HR: variants seen among roughly 807,000 people sequenced by gnomAD.
HR encodes the protein lysine-specific demethylase hairless.
Under a neutral mutation model 128.6 loss-of-function variants are expected in HR, and 83 were observed. That is an observed-to-expected ratio of 0.65 (90% CI 0.54 to 0.77). HR has a LOEUF of 0.77. Among genes scored for constraint, HR ranks in the 30% least tolerant of loss-of-function variants. HR has a pLI of 0.00. For synonymous variants in HR, 681 were observed against 658.2 expected, an observed-to-expected ratio of 1.03 and a Z score of -0.53; for missense variants, 1,490 against 1,574.6, an observed-to-expected ratio of 0.95 and a Z score of 0.91.
intron 1 of HR, among the ~76,000 whole-genome samples, chr8:22,129,668 T>C (rs1192784268): frequency 1.3e-5 from 2 of 152,220 alleles, no homozygotes; most frequent in African/African-American, 4.8e-5. Context: ...ATTCTTCCCA[T>C]CCTGCAATCC....
chr8:22,114,657 C>A lies in HR; in HGVS notation c.*1043G>T, dbSNP rs573295513. 1 of 152,622 alleles carries A rather than the reference C, an allele frequency of 6.6e-6. No homozygotes were observed. Among genetic ancestry groups the A allele is most frequent in the Non-Finnish European group, 1.5e-5 (1 of 68,156 alleles). 9.5% of individuals were successfully genotyped at this position (152,622 alleles called of 1,614,324 possible). On this transcript the variant is annotated 3_prime_UTR_variant, in exon 19 of 19. Coordinates refer to ENST00000381418, the MANE Select transcript of HR (RefSeq NM_005144.5). ...TGGCTGGGCCTGGCGTCGGCCATGGCCACTGCCACCAAGGGCAGACAGGCG... is the reference window on the plus strand; with the variant it reads ...TGGCTGGGCCTGGCGTCGGCCATGGACACTGCCACCAAGGGCAGACAGGCG...
rs1827022145 is a variant in HR, at chr8:22,130,469, GT to G, written c.-83del. 1 of 152,198 alleles carries G rather than the reference GT, an allele frequency of 6.6e-6. No individual in the cohort carries two copies. 9.4% of individuals were successfully genotyped at this position (152,198 alleles called of 1,614,324 possible). Reference sequence around the variant, plus strand: ...GGTCGCGGCGCGGGCGGTGGCGGTCGTCGTGGCCGGCACCGGGCGCCTGCTC... The same window carrying G: ...GGTCGCGGCGCGGGCGGTGGCGGTCGCGTGGCCGGCACCGGGCGCCTGCTC... On this transcript the variant is annotated 5_prime_UTR_variant, in exon 1 of 19. The change abolishes the stop of an existing upstream ORF in the 5' untranslated region. Transcript: ENST00000381418.
Position 22,127,568 on chromosome 8 carries a change from T to A in HR, c.874A>T (p.Asn292Tyr). 1 of 1,612,906 alleles carries A rather than the reference T, an allele frequency of 6.2e-7. No homozygotes were observed. The highest frequency in any genetic ancestry group is 1.1e-5 in the South Asian group (1 of 91,088). The change falls in exon 3 of 19, where the codon AAC (asparagine) becomes TAC (tyrosine). Residue 292 changes from asparagine (N) to tyrosine (Y), a missense_variant. By Grantham distance (143) the Asn-to-Tyr change is moderately radical. Around this residue, in one of 3 missense-constraint regions of HR, gnomAD observed 1,060 missense variants for 1,060.9 expected, o/e 1.00. Coordinates refer to ENST00000381418, the MANE Select transcript of HR (RefSeq NM_005144.5). Reference sequence around the variant, plus strand: ...CCATCGCCTGGCCCAGCCCAGACGTTGCCAAGAGTATGAACAAGGCCTGGG... The same window carrying A: ...CCATCGCCTGGCCCAGCCCAGACGTAGCCAAGAGTATGAACAAGGCCTGGG... ...CPPGLVHTLG[N>Y]VWAGPGDGNL...
intron 5 of HR, among the ~76,000 whole-genome samples, chr8:22,124,611 A>C (rs1317896505): frequency 6.6e-6 from 1 of 152,186 alleles, no homozygotes; most frequent in Non-Finnish European, 1.5e-5. Flanking sequence ...CGGGTGCTGG[A>C]GATGGAAAAT....
At position 22,119,906 on chromosome 8, in the gene HR, G is replaced by A. The variant is rs548498571; in HGVS notation, c.2847-16C>T. Reference sequence around the variant, plus strand: ...GTTCTCCACCCTGTCAGGGTAGGGGGTCATGCCCAGCAGGCCCAACCTGGG... The same window carrying A: ...GTTCTCCACCCTGTCAGGGTAGGGGATCATGCCCAGCAGGCCCAACCTGGG... On this transcript the variant is annotated splice_polypyrimidine_tract_variant and intron_variant, in intron 13 of 18. Transcript: ENST00000381418. The A allele has an allele frequency of 5.0e-6, 8 of 1,613,020 alleles. No homozygotes were observed. The highest frequency in any genetic ancestry group is 2.2e-5 in the East Asian group (1 of 44,862).
At position 22,129,135 on chromosome 8, in the gene HR, TG is replaced by T; in HGVS notation, c.35del (p.Pro12GlnfsTer13). 1 of 1,553,424 alleles carries T rather than the reference TG, an allele frequency of 6.4e-7. No individual in the cohort carries two copies. Among genetic ancestry groups the T allele is most frequent in the South Asian group, 1.3e-5 (1 of 79,266 alleles). Reference protein sequence around the residue: ...ESTPSFLKGTPTWEKTAPENG... With the variant: ...ESTPSFLKGTXTWEKTAPENG... ...TCTCTGGGGCCGTCTTCTCCCAGGTTGGGGTGCCCTTCAGGAAGCTGGGCGT... is the reference window on the plus strand; with the variant it reads ...TCTCTGGGGCCGTCTTCTCCCAGGTTGGGTGCCCTTCAGGAAGCTGGGCGT... On this transcript the variant is annotated frameshift_variant, in exon 2 of 19. Coordinates refer to ENST00000381418, the MANE Select transcript of HR (RefSeq NM_005144.5). LOFTEE classifies it high-confidence loss of function.
At position 22,127,585 on chromosome 8, in the gene HR, A is replaced by G. The variant is rs775201488; in HGVS notation, c.857T>C (p.Leu286Pro). 6 of 1,612,584 alleles carry G rather than the reference A, an allele frequency of 3.7e-6. No homozygotes were observed. The highest frequency in any genetic ancestry group is 1.1e-5 in the South Asian group (1 of 91,082). ...CCAGACGTTGCCAAGAGTATGAACA[A>G]GGCCTGGGGGACAAGCGGGCCAGGA... Reference protein sequence around the residue: ...WTSWPACPPGLVHTLGNVWAG... With the variant: ...WTSWPACPPGPVHTLGNVWAG... The change falls in exon 3 of 19, where the codon CTT (leucine) becomes CCT (proline). Residue 286 changes from leucine (L) to proline (P), a missense_variant. Leu to Pro is a moderately conservative substitution (Grantham distance 98). Around this residue, in one of 3 missense-constraint regions of HR, gnomAD observed 1,060 missense variants for 1,060.9 expected, o/e 1.00. Transcript: ENST00000381418.
In HR at chr8:22,115,286, A is replaced by G. The variant is rs1016513955; in HGVS notation, c.*414T>C. On this transcript the variant is annotated 3_prime_UTR_variant, in exon 19 of 19. Transcript: ENST00000381418. ...GTGAGCCCAGTGAGGATGCGGTGGT[A>G]GAAACGGAGCTGGGGCAGTAGAGTG... 9 of 299,568 alleles carry G rather than the reference A, an allele frequency of 3.0e-5. No homozygotes were observed. The highest frequency in any genetic ancestry group is 6.5e-5 in the African/African-American group (3 of 46,400). The allele number at this position is 299,568 out of a possible 1,614,324, so 18.6% of individuals were successfully genotyped here. A position where few individuals can be genotyped will look rare whatever the true frequency, so the allele number is the denominator to read the frequency against.
chr8:22,127,850 T>TAA (rs1365413864), intron 2 of HR, 21 bp from the exon 3 acceptor site: 1 of 1,597,974 alleles, frequency 6.3e-7, no homozygotes. Context: ...GAGAAAGTGT[T>TAA]ACGCTTCAGC....
At chr8:22,128,098 T>G (rs1237914662) in intron 2 of HR, 2 of 579,170 alleles carry the variant, frequency 3.5e-6, no homozygotes, top group African/African-American at 3.7e-5. Flanking sequence ...ATCTGGGGTC[T>G]GTTTGGGCCA....
Position 22,125,381 on chromosome 8 carries a change from A to T in HR, c.1680T>A (p.Ser560Arg). 6.2e-7 allele frequency: 1 copy of T among 1,610,068 alleles called. No individual in the cohort carries two copies. The highest frequency in any genetic ancestry group is 1.7e-5 in the Admixed American group (1 of 59,548). ...LSTGLAKHLL[S>R]GLGDRLCRLL... ...GGCGGCACAGTCGGTCCCCCAAACCACTGAGCAGGTGCTTGGCGAGGCCTG... is the reference window on the plus strand; with the variant it reads ...GGCGGCACAGTCGGTCCCCCAAACCTCTGAGCAGGTGCTTGGCGAGGCCTG... Residue 560 changes from serine (S) to arginine (R), a missense_variant, in exon 5 of 19, where the codon AGT (serine) becomes AGA (arginine). Coordinates refer to ENST00000381418, the MANE Select transcript of HR (RefSeq NM_005144.5).
rs765240746 is a variant in HR, at chr8:22,122,570, C to T, written c.2044G>A (p.Val682Ile). The T allele has an allele frequency of 6.6e-5, 106 of 1,612,350 alleles. No homozygotes were observed. Among genetic ancestry groups the T allele is most frequent in the Non-Finnish European group, 8.1e-5 (96 of 1,179,742 alleles). ...CAGTGCCCCCGGATATCAAACTTGA[C>T]CCAGACCTGGTGCATTGCAGTGCTC... ...ELSTAMHQVW[V>I]KFDIRGHCPC... The change falls in exon 8 of 19, where the codon GTC becomes ATC. Residue 682 changes from valine (V) to isoleucine (I), a missense_variant. By Grantham distance (29) the Val-to-Ile change is conservative (BLOSUM62 3). Coordinates refer to ENST00000381418, the MANE Select transcript of HR (RefSeq NM_005144.5).
At chr8:22,120,585 G>A (rs948669412) in intron 11 of HR, 78 bp from the exon 12 acceptor site, 40 of 1,599,082 alleles carry the variant, frequency 2.5e-5, no homozygotes, top group African/African-American at 2.3e-4. Flanking sequence ...GTGTTGTAAG[G>A]GCAGTAGAAC....
At chr8:22,117,585 C>G (rs1323568556) in intron 16 of HR, 1 of 153,090 alleles carries the variant, frequency 6.5e-6, no homozygotes, top group Non-Finnish European at 1.5e-5. Context: ...GCTCTGAGTG[C>G]CAGCAGGTGA....
chr8:22,118,914 C>CG (rs761116390), intron 16 of HR, 36 bp downstream of exon 16: 6 of 1,473,018 alleles, frequency 4.1e-6, no homozygotes, highest in South Asian at 2.3e-5. Context: ...TAGGGCTGGG[C>CG]GGGGGGAAGG....
chr8:22,123,833 C>T lies in HR; in HGVS notation c.1751-20G>A. 3.1e-6 allele frequency: 5 copies of T among 1,589,530 alleles called. No homozygotes were observed. Among genetic ancestry groups the T allele is most frequent in the Non-Finnish European group, 4.3e-6 (5 of 1,171,480 alleles). ...CTTGGCCTGCTGACCACGGAGAGAACAGGGTCAGAGGGTGAAGGCAACAGG... is the reference window on the plus strand; with the variant it reads ...CTTGGCCTGCTGACCACGGAGAGAATAGGGTCAGAGGGTGAAGGCAACAGG... On this transcript the variant is annotated intron_variant, in intron 5 of 18. Transcript: ENST00000381418.
At chr8:22,123,616 A>AAGCC in intron 6 of HR, 33 bp downstream of exon 6, 5 of 562,348 alleles carry the variant, frequency 8.9e-6, no homozygotes, top group South Asian at 4.4e-5. Context: ...TGAGGGCTCC[A>AAGCC]TCCCGCCCTC....
intron 5 of HR, 57 bp downstream of exon 5, chr8:22,125,254 G>A (rs1400386233): frequency 6.6e-7 from 1 of 1,525,226 alleles, no homozygotes; most frequent in African/African-American, 1.4e-5. Flanking sequence ...GTCAGGGGAG[G>A]GACACCTGGG....
intron 14 of HR, 144 bp downstream of exon 14, chr8:22,119,614 AAC>A: frequency 2.1e-5 from 25 of 1,176,184 alleles, no homozygotes; most frequent in East Asian, 2.6e-5. Context: ...TCTCAACAAC[AAC>A]AAAAAAAAAA....
Sources: gnomAD v4.1 joint callset for allele counts (sites outside exome capture counted in the v4.1 genomes callset) on GRCh38, gnomAD v4.1.1 for gene constraint, gnomAD v4.1.1 regional missense constraint, MANE v1.5 for transcripts, NCBI Gene and HGNC (gene_info 2026-07-23, HGNC 2026-07-21) for gene names.